Variants in INCA1 observed in about 807,000 individuals in gnomAD.
INCA1 encodes protein INCA1.
INCA1 carries 28 observed loss-of-function variants against 25.7 expected under a neutral mutation model. That is an observed-to-expected ratio of 1.09 (90% CI 0.81 to 1.49). The LOEUF is 1.49. INCA1 is among the 40% of genes most tolerant of loss of function. The probability of loss-of-function intolerance (pLI) is 0.00; values close to 1 mark genes in which losing one functional copy is unlikely to be tolerated. For synonymous variants in INCA1, 111 were observed against 103.6 expected (o/e 1.07, Z -0.43); for missense variants, 309 against 290.9 (o/e 1.06, Z -0.45).
chr17:4,990,889 A>C (rs567328552), intron 2 of INCA1, among the ~76,000 whole-genome samples: 30 of 151,120 alleles, frequency 2.0e-4, no homozygotes, highest in Non-Finnish European at 4.0e-4. Flanking sequence ...GTCTCAAAAA[A>C]AAAATTGCAA....
intron 2 of INCA1, 93 bp from the exon 3 acceptor site, chr17:4,990,358 A>G (rs1405862802): frequency 1.5e-5 from 21 of 1,423,626 alleles, no homozygotes; most frequent in Admixed American, 1.3e-4. Context: ...CCATGGGACT[A>G]TAAAGCTGCC....
intron 2 of INCA1, among the ~76,000 whole-genome samples, chr17:4,992,141 A>G (rs984060598): frequency 6.6e-6 from 1 of 152,182 alleles, no homozygotes; most frequent in Non-Finnish European, 1.5e-5. Context: ...AAGCTGACTG[A>G]AAAGGGTACA....
At chr17:4,988,334 G>A (rs1329197613) in exon 7 of INCA1, 2 of 1,480,970 alleles carry the variant, frequency 1.4e-6, no homozygotes, top group Non-Finnish European at 9.1e-7. Flanking sequence ...AGCAATGAGG[G>A]TGACTCTAGT....
At chr17:4,989,339 C>G (rs1208482799) in intron 5 of INCA1, 89 bp downstream of exon 5, 1 of 1,304,480 alleles carries the variant, frequency 7.7e-7, no homozygotes. Context: ...CAAACCTCCC[C>G]TCAAAGCTGT....
intron 1 of INCA1, among the ~76,000 whole-genome samples, chr17:4,996,634 G>C (rs1974290915): frequency 7.6e-6 from 1 of 131,850 alleles, no homozygotes; most frequent in African/African-American, 2.9e-5. Flanking sequence ...GTGAGCCGAG[G>C]TCAGCCTGGG....
chr17:4,994,417 T>G, exon 2 of INCA1: 1 of 1,613,760 alleles, frequency 6.2e-7, no homozygotes, highest in Non-Finnish European at 8.5e-7. Context: ...TGAGGTTGAC[T>G]CCATCATCCT....
intron 2 of INCA1, 38 bp downstream of exon 2, chr17:4,994,356 T>TCCCATC: frequency 6.2e-7 from 1 of 1,602,996 alleles, no homozygotes; most frequent in Non-Finnish European, 8.5e-7. Context: ...ATCCCCTCCA[T>TCCCATC]CCCATCCCCA....
At chr17:4,994,023 C>T (rs988005124) in intron 2 of INCA1, among the ~76,000 whole-genome samples, 8 of 151,978 alleles carry the variant, frequency 5.3e-5, no homozygotes, top group African/African-American at 1.7e-4. Context: ...CCGCCTGCCT[C>T]GGCCTCCCAA....
At chr17:4,988,195 A>G, downstream of INCA1, 1 of 486,314 alleles carries the variant, frequency 2.1e-6, no homozygotes, top group Middle Eastern at 5.2e-4. Flanking sequence ...GCCTGGAGGA[A>G]AACAGGACTT....
exon 3 of INCA1, chr17:4,990,253 C>T (rs1320863016): frequency 6.2e-7 from 1 of 1,613,334 alleles, no homozygotes; most frequent in East Asian, 2.2e-5. Flanking sequence ...ATCGGCTGAC[C>T]ACCCTGGAAC....
intron 5 of INCA1, 100 bp from the exon 6 acceptor site, chr17:4,989,044 C>T: frequency 7.8e-7 from 1 of 1,281,900 alleles, no homozygotes; most frequent in Non-Finnish European, 1.1e-6. Flanking sequence ...TGCTGGGACT[C>T]CAGGGAGTTG....
intron 2 of INCA1, among the ~76,000 whole-genome samples, chr17:4,991,032 C>T (rs1973841617): frequency 6.6e-6 from 1 of 151,686 alleles, no homozygotes; most frequent in South Asian, 2.1e-4. Context: ...GATTCTCCTG[C>T]CTCAGCCTCC....
At chr17:4,990,042 C>G in intron 3 of INCA1, 110 bp downstream of exon 3, 1 of 1,611,942 alleles carries the variant, frequency 6.2e-7, no homozygotes, top group Non-Finnish European at 8.5e-7. Flanking sequence ...CAATGTCCAC[C>G]AGCCAGTGGG....
chr17:4,988,963 G>A lies in INCA1; in HGVS notation c.396-19C>T. The stretch of plus-strand genomic sequence containing the variant: ...CTTCAGTCTGTGGAGACTTTAGGCT[G>A]AGGAGAGAAGTGCCTGGAGGCCAGG... On this transcript the variant is annotated intron_variant, in intron 5 of 6. Transcript: ENST00000576820. 2 of 1,601,692 alleles carry A rather than the reference G, an allele frequency of 1.2e-6. No individual in the cohort carries two copies. The highest frequency in any genetic ancestry group is 1.1e-5 in the South Asian group (1 of 90,056).
exon 7 of INCA1, chr17:4,988,386 C>CG (rs776262154): frequency 2.2e-5 from 34 of 1,580,192 alleles, no homozygotes; most frequent in Non-Finnish European, 2.7e-5. Context: ...ACTAGCCTCT[C>CG]GGCATCGGTG....
At chr17:4,994,015 G>A (rs146523426) in intron 2 of INCA1, among the ~76,000 whole-genome samples, 540 of 141,124 alleles carry the variant, frequency 3.8e-3, no homozygotes, top group African/African-American at 0.013. Context: ...CAGGTGATCC[G>A]CCTGCCTCGG....
rs369238610 is a variant in INCA1 at position 4,993,148 on chromosome 17, C to T, written c.44+1246G>A. Among the ~76,000 whole-genome samples the T allele has an allele frequency of 6.9e-4, 104 of 151,000 alleles. 2 individuals carry two copies. In the South Asian group the frequency reaches 0.021, roughly 31 times the overall value. ...GCCCGCCTTGGCCTCCCAAAGTGCT[C>T]GGATTACAGGTGTGAGCCACCACGC... On this transcript the variant is annotated intron_variant, in intron 2 of 6. Transcript: ENST00000576820.
intron 2 of INCA1, among the ~76,000 whole-genome samples, chr17:4,991,446 G>A (rs1280252180): frequency 1.3e-5 from 2 of 152,174 alleles, no homozygotes; most frequent in Admixed American, 1.3e-4. Flanking sequence ...TACTTCATTT[G>A]TCTCCCCATC....
intron 2 of INCA1, among the ~76,000 whole-genome samples, chr17:4,993,973 T>C (rs1200826676): frequency 1.3e-5 from 2 of 151,694 alleles, no homozygotes; most frequent in Admixed American, 6.6e-5. Flanking sequence ...GGTTTTGTCA[T>C]GTTGGCCAGG....
Sources: allele counts gnomAD v4.1 joint callset (sites outside exome capture counted in the v4.1 genomes callset), GRCh38; gene constraint gnomAD v4.1.1; transcripts MANE v1.5; gene names NCBI Gene and HGNC (gene_info 2026-07-23, HGNC 2026-07-21).